DCST2: variants seen among roughly 807,000 people sequenced by gnomAD.
The protein encoded by DCST2 is DC-STAMP domain containing 2.
A neutral mutation model predicts 81.8 loss-of-function variants in DCST2; 64 were observed. The observed-to-expected ratio is 0.78, with a 90% CI of 0.64 to 0.96. The LOEUF (loss-of-function observed/expected upper bound fraction) is 0.96, where lower values mean the gene tolerates loss of function less well. DCST2 is among the 40% of genes least tolerant of loss of function. The pLI is 0.00. For synonymous variants in DCST2, 354 were observed against 402.6 expected (o/e 0.88, Z 1.44); for missense variants, 945 against 1,001.4 (o/e 0.94, Z 0.76).
rs750995971 is a variant in DCST2 at position 155,018,555 on chromosome 1, G to A, written c.2311C>T (p.Pro771Ser). 9.9e-6 allele frequency: 16 copies of A among 1,612,350 alleles called. No homozygotes were observed. The East Asian group carries it at 3.6e-4, about 36-fold the overall frequency. Residue 771 changes from proline to serine, a missense_variant, in exon 15 of 15, where the codon CCC becomes TCC. Physicochemically the swap from Pro to Ser is moderately conservative, Grantham distance 74. Transcript: ENST00000368424. ...PPSLPDPSHP[P>S]PK The stretch of plus-strand genomic sequence containing the variant: ...TGTCCACTTTTGGTTTATTTGGGGG[G>A]TGGGTGGGAAGGATCAGGAAGAGAG...
chr1:155,024,635 T>C lies in DCST2; in HGVS notation c.1612-33A>G, dbSNP rs759037132. 3.9e-6 allele frequency: 6 copies of C among 1,552,106 alleles called. No individual in the cohort carries two copies. In the South Asian group the frequency reaches 4.9e-5, roughly 13 times the overall value. Reference sequence around the variant, plus strand: ...GGGGAGATCAGGGATGGGGTCCCACTTGACCCTGTTTTGTCTGCCTGGAAT... The same window carrying C: ...GGGGAGATCAGGGATGGGGTCCCACCTGACCCTGTTTTGTCTGCCTGGAAT... On this transcript the variant is annotated intron_variant, in intron 10 of 14. Transcript: ENST00000368424.
At chr1:155,031,494 C>A in intron 4 of DCST2, 80 bp downstream of exon 4, 1 of 1,465,438 alleles carries the variant, frequency 6.8e-7, no homozygotes, top group South Asian at 1.2e-5. Flanking sequence ...CTGAGCCTGC[C>A]CTCCCAACTG....
chr1:155,020,355 T>A (rs554257216), intron 14 of DCST2, among the ~76,000 whole-genome samples: 1 of 152,148 alleles, frequency 6.6e-6, no homozygotes, highest in East Asian at 1.9e-4. Context: ...CCACATACCA[T>A]ATTTCTGAGT....
chr1:155,028,309 G>A (rs1257718409), intron 8 of DCST2, among the ~76,000 whole-genome samples: 1 of 152,156 alleles, frequency 6.6e-6, no homozygotes, highest in Non-Finnish European at 1.5e-5. Flanking sequence ...TGAGGAAACT[G>A]GGCCAGGACA....
intron 14 of DCST2, among the ~76,000 whole-genome samples, chr1:155,021,803 A>T: frequency 6.6e-6 from 1 of 150,484 alleles, no homozygotes; most frequent in Non-Finnish European, 1.5e-5. Context: ...AGACTAAGAC[A>T]AGCTTCTCTC....
In DCST2 at chr1:155,033,744, G is replaced by A. The variant is rs192543341; in HGVS notation, c.-43C>T. The A allele has an allele frequency of 3.3e-5, 52 of 1,589,752 alleles. No homozygotes were observed. The highest frequency in any genetic ancestry group is 1.8e-4 in the African/African-American group (13 of 74,270). On this transcript the variant is annotated 5_prime_UTR_variant, in exon 1 of 15. Coordinates refer to ENST00000368424, the MANE Select transcript of DCST2 (RefSeq NM_144622.3). ...GTCTGCCTGTCTCCAGGAGATGCCC[G>A]CTGACTTCTGTGCTCCTGGAATTTC... is the stretch of plus-strand genomic sequence containing the variant.
At chr1:155,025,849 C>T (rs951830384) in intron 10 of DCST2, among the ~76,000 whole-genome samples, 4 of 151,962 alleles carry the variant, frequency 2.6e-5, no homozygotes, top group South Asian at 2.1e-4. Context: ...CCATGCCTGG[C>T]GTTTTATTTT....
At chr1:155,031,976 TG>T (rs1660103297) in intron 3 of DCST2, among the ~76,000 whole-genome samples, 1 of 152,144 alleles carries the variant, frequency 6.6e-6, no homozygotes, top group African/African-American at 2.4e-5. Context: ...TGAATTTTTT[TG>T]TTTCTGTTTG....
In DCST2 at chr1:155,026,551, T is replaced by A; in HGVS notation, c.1507A>T (p.Ile503Phe). 1 of 1,614,166 alleles carries A rather than the reference T, an allele frequency of 6.2e-7. No homozygotes were observed. The highest frequency in any genetic ancestry group is 2.2e-5 in the East Asian group (1 of 44,890). ...GACCTCAGGGTGTAGTTGATACCAA[T>A]GACTATGTAGCCAGTGCTGTCAGGC... ...SEPDSTGYIV[I>F]GVMYGLCFFI... Residue 503 changes from isoleucine to phenylalanine, a missense_variant, in exon 9 of 15, where the codon ATT becomes TTT. Coordinates refer to ENST00000368424, the MANE Select transcript of DCST2 (RefSeq NM_144622.3).
Position 155,030,529 on chromosome 1 carries a change from G to A in DCST2, c.922C>T (p.Leu308Phe), listed in dbSNP as rs1324752740. The A allele has an allele frequency of 1.2e-6, 2 of 1,614,132 alleles. No individual in the cohort carries two copies. Among genetic ancestry groups the A allele is most frequent in the Non-Finnish European group, 8.5e-7 (1 of 1,180,022 alleles). The change falls in exon 6 of 15, where the codon CTC becomes TTC. Residue 308 changes from leucine (L) to phenylalanine (F), a missense_variant. Transcript: ENST00000368424. Reference sequence around the variant, plus strand: ...AGCTTCATGCTGACAGCCTCGTGGAGGTCCATGGCTACCTGGGACAGGCTC... The same window carrying A: ...AGCTTCATGCTGACAGCCTCGTGGAAGTCCATGGCTACCTGGGACAGGCTC... ...SRSLSQVAMD[L>F]HEAVSMKLHR...
At position 155,026,676 on chromosome 1, in the gene DCST2, T is replaced by C. The variant is rs749749545; in HGVS notation, c.1382A>G (p.Tyr461Cys). ...CAGGTCACGATAAATATTCCCAGCG[T>C]AGCCAGTACCTTCCACGGTTAGAGA... ...LVSLTVEGTG[Y>C]AGNIYRDLVS... Residue 461 changes from tyrosine (Y) to cysteine (C), a missense_variant, in exon 9 of 15, where the codon TAC becomes TGC. Coordinates refer to ENST00000368424, the MANE Select transcript of DCST2 (RefSeq NM_144622.3). 66 of 1,614,092 alleles carry C rather than the reference T, an allele frequency of 4.1e-5. No individual in the cohort carries two copies. Among genetic ancestry groups the C allele is most frequent in the Non-Finnish European group, 5.2e-5 (61 of 1,180,046 alleles).
rs535978424 is a variant in DCST2 at position 155,030,068 on chromosome 1, T to A, written c.1177+16A>T. The A allele has an allele frequency of 1.9e-6, 3 of 1,612,248 alleles. 1 individual carries two copies. The East Asian group carries it at 6.7e-5, about 36-fold the overall frequency. ...GCCTCCCTGGCTTGGGCTCTCCCTG[T>A]CCTCAGGGCCCTCACCCGGTGGGAT... is the stretch of plus-strand genomic sequence containing the variant. On this transcript the variant is annotated intron_variant, in intron 7 of 14. Transcript: ENST00000368424.
chr1:155,023,154 C>G lies in DCST2; in HGVS notation c.2068G>C (p.Gly690Arg). 1.2e-6 allele frequency: 2 copies of G among 1,613,848 alleles called. No individual in the cohort carries two copies. The highest frequency in any genetic ancestry group is 1.7e-6 in the Non-Finnish European group (2 of 1,180,036). ...GTGGACTCCATTGAGAGGCTCCTGC[C>G]GAGCACTTCTTGGAGCTGTTGCTGC... Reference protein sequence around the residue: ...LLQQQLQEVLGRSLSMESTSE... With the variant: ...LLQQQLQEVLRRSLSMESTSE... Residue 690 changes from glycine to arginine, a missense_variant, in exon 14 of 15, where the codon GGC becomes CGC. By Grantham distance (125) the Gly-to-Arg change is moderately radical. Coordinates refer to ENST00000368424, the MANE Select transcript of DCST2 (RefSeq NM_144622.3).
At chr1:155,022,243 T>C (rs913059591) in intron 14 of DCST2, among the ~76,000 whole-genome samples, 8 of 152,208 alleles carry the variant, frequency 5.3e-5, no homozygotes, top group Non-Finnish European at 1.2e-4. Context: ...TTAAGGTTCT[T>C]GCCCATCTCT....
Position 155,033,465 on chromosome 1 carries a change from A to C in DCST2, c.237T>G (p.Thr79=). ...GMGFSRQVRA[T]VLLLLPQAFS... is the part of the protein sequence containing the mutation. ...AGGCCTGAGGCAGCAGCAGGAGGAC[A>C]GTGGCTCGGACCTGGCGAGAGAATC... Residue 79 remains threonine (T), a synonymous_variant, in exon 1 of 15, where the codon ACT becomes ACG. Transcript: ENST00000368424. The C allele has an allele frequency of 6.2e-7, 1 of 1,613,910 alleles. No homozygotes were observed. The highest frequency in any genetic ancestry group is 8.5e-7 in the Non-Finnish European group (1 of 1,179,872).
intron 8 of DCST2, among the ~76,000 whole-genome samples, chr1:155,027,511 T>C (rs1659946795): frequency 6.6e-6 from 1 of 151,336 alleles, no homozygotes; most frequent in South Asian, 2.1e-4. Context: ...CTTTATTGTT[T>C]GTTTTGGGGT....
chr1:155,021,411 A>T (rs1448053875), intron 14 of DCST2, among the ~76,000 whole-genome samples: 6 of 151,126 alleles, frequency 4.0e-5, no homozygotes, highest in Non-Finnish European at 3.0e-5. Flanking sequence ...TGCTGAAATT[A>T]CAGGTGTGAG....
intron 10 of DCST2, 33 bp downstream of exon 10, chr1:155,026,269 G>T: frequency 6.2e-7 from 1 of 1,608,144 alleles, no homozygotes; most frequent in Non-Finnish European, 8.5e-7. Context: ...TGGGGAGGGG[G>T]CAGGGACTAG....
Position 155,018,707 on chromosome 1 carries a change from A to T in DCST2, c.2159T>A (p.Leu720Ter). ...PQQRKHGQQP[L>*]PEAHQPVSIL... Reference sequence around the variant, plus strand: ...GCTGACAGGCTGATGGGCTTCAGGTAAGGGCTGCTGCCCGTGCTTCCTCTG... The same window carrying T: ...GCTGACAGGCTGATGGGCTTCAGGTTAGGGCTGCTGCCCGTGCTTCCTCTG... Residue 720 changes from leucine to a stop codon, truncating the protein, a stop_gained, in exon 15 of 15, where the codon TTA becomes TAA. Transcript: ENST00000368424. LOFTEE classifies it low-confidence loss of function (END_TRUNC). 2 of 1,613,836 alleles carry T rather than the reference A, an allele frequency of 1.2e-6. No individual in the cohort carries two copies. Among genetic ancestry groups the T allele is most frequent in the Non-Finnish European group, 1.7e-6 (2 of 1,179,948 alleles).
Sources: allele counts gnomAD v4.1 joint callset (sites outside exome capture counted in the v4.1 genomes callset), GRCh38; gene constraint gnomAD v4.1.1; transcripts MANE v1.5; gene names NCBI Gene and HGNC (gene_info 2026-07-23, HGNC 2026-07-21).